Variants in CSGALNACT1 observed in about 807,000 individuals in gnomAD.
The protein encoded by CSGALNACT1 is chondroitin sulfate N-acetylgalactosaminyltransferase 1.
CSGALNACT1 carries 52 observed loss-of-function variants against 51.0 expected under a neutral mutation model. The observed-to-expected ratio is 1.02, with a 90% CI of 0.82 to 1.29. The LOEUF (loss-of-function observed/expected upper bound fraction) is 1.29, where lower values mean the gene tolerates loss of function less well. CSGALNACT1 is among the 50% of genes most tolerant of loss of function. CSGALNACT1 has a pLI of 0.00. For synonymous variants in CSGALNACT1, 341 were observed against 254.4 expected (o/e 1.34, Z -3.24); for missense variants, 935 against 679.2 (o/e 1.38, Z -4.19).
chr8:19,621,543 G>C (rs1472692748), intron 1 of CSGALNACT1, among the ~76,000 whole-genome samples: 1 of 152,104 alleles, frequency 6.6e-6, no homozygotes, highest in Non-Finnish European at 1.5e-5. Flanking sequence ...CACTTTGGGA[G>C]GCCAAGGCAG....
In CSGALNACT1 at chr8:19,418,688, G is replaced by T. The variant is rs1462946421; in HGVS notation, c.1195C>A (p.His399Asn). The T allele has an allele frequency of 1.5e-5, 24 of 1,613,268 alleles. No individual in the cohort carries two copies. Among genetic ancestry groups the T allele is most frequent in the Admixed American group, 3.3e-5 (2 of 59,998 alleles). ...TGTTCCAAGGGAGGGACTGCATCAT[G>T]GTGGCCGTATATTATGCCAGGATTG... Residue 399 changes from histidine (H) to asparagine (N), a missense_variant, in exon 8 of 10, where the codon CAT becomes AAT. Transcript: ENST00000454498.
At chr8:19,467,046 A>T (rs2066858667) in intron 4 of CSGALNACT1, among the ~76,000 whole-genome samples, 1 of 150,990 alleles carries the variant, frequency 6.6e-6, no homozygotes, top group South Asian at 2.1e-4. Context: ...TTCCTAATCC[A>T]TCAGAAATGT....
intron 4 of CSGALNACT1, among the ~76,000 whole-genome samples, chr8:19,500,384 A>G (rs2076213377): frequency 6.6e-6 from 1 of 152,170 alleles, no homozygotes; most frequent in Non-Finnish European, 1.5e-5. Flanking sequence ...TTCTGCACCA[A>G]GATGTCCACA....
chr8:19,604,924 A>G (rs2051148141), upstream of CSGALNACT1, among the ~76,000 whole-genome samples: 1 of 148,636 alleles, frequency 6.7e-6, no homozygotes, highest in Non-Finnish European at 1.5e-5. Flanking sequence ...CAAAAAAAAA[A>G]AAAAAAAAAA....
At position 19,518,433 on chromosome 8, in the gene CSGALNACT1, G is replaced by T. The variant is rs562834325; in HGVS notation, c.-296-12303C>A. Among the ~76,000 whole-genome samples the T allele has an allele frequency of 2.1e-3, 317 of 151,936 alleles. 2 individuals carry two copies. The highest frequency in any genetic ancestry group is 7.4e-3 in the African/African-American group (307 of 41,250). ...GCACCAATCAACTGGAAAGCTATTT[G>T]CATAATAATATTAGGGTGGGGTGAC... On this transcript the variant is annotated intron_variant, in intron 3 of 9. Coordinates refer to ENST00000454498, the Ensembl canonical transcript of CSGALNACT1.
chr8:19,658,144 T>C (rs560759582), intron 1 of CSGALNACT1, among the ~76,000 whole-genome samples: 6 of 145,384 alleles, frequency 4.1e-5, no homozygotes, highest in African/African-American at 1.3e-4. Flanking sequence ...CTTTGGAAAG[T>C]GATTAGGGCT....
At chr8:19,658,108 C>T (rs991761419) in intron 1 of CSGALNACT1, among the ~76,000 whole-genome samples, 1 of 145,628 alleles carries the variant, frequency 6.9e-6, no homozygotes, top group African/African-American at 2.5e-5. Context: ...CCTAACCCCC[C>T]AATGTGATAG....
chr8:19,484,510 G>C (rs865786255), intron 4 of CSGALNACT1, among the ~76,000 whole-genome samples: 2 of 152,156 alleles, frequency 1.3e-5, no homozygotes, highest in African/African-American at 4.8e-5. Context: ...ACGGCAGAAG[G>C]CAAAGGAGAA....
chr8:19,424,610 G>A (rs946423297), intron 6 of CSGALNACT1, among the ~76,000 whole-genome samples: 19 of 152,208 alleles, frequency 1.2e-4, no homozygotes, highest in Non-Finnish European at 2.6e-4. Flanking sequence ...TCTAGAACAG[G>A]ATATGACAAG....
chr8:19,414,355 A>G (rs2056463148), intron 8 of CSGALNACT1, among the ~76,000 whole-genome samples: 1 of 152,202 alleles, frequency 6.6e-6, no homozygotes, highest in East Asian at 1.9e-4. Context: ...GCAGTGACCT[A>G]AACAGGAACT....
intron 5 of CSGALNACT1, among the ~76,000 whole-genome samples, chr8:19,453,953 T>C (rs1000973024): frequency 2.0e-5 from 3 of 151,894 alleles, no homozygotes; most frequent in African/African-American, 7.3e-5. Flanking sequence ...GAGGAAACAA[T>C]AGAAGCTGAG....
At chr8:19,567,506 C>A (rs960595622) in intron 3 of CSGALNACT1, among the ~76,000 whole-genome samples, 1 of 152,196 alleles carries the variant, frequency 6.6e-6, no homozygotes, top group Non-Finnish European at 1.5e-5. Context: ...GTATTTACAA[C>A]AACTCTACCA....
At chr8:19,713,554 C>T (rs1483476255) in intron 1 of CSGALNACT1, among the ~76,000 whole-genome samples, 1 of 152,134 alleles carries the variant, frequency 6.6e-6, no homozygotes, top group Non-Finnish European at 1.5e-5. Context: ...CAAGTGGGCC[C>T]CTGGATCCCA....
chr8:19,437,530 G>C (rs1384762073), intron 6 of CSGALNACT1, among the ~76,000 whole-genome samples: 1 of 152,076 alleles, frequency 6.6e-6, no homozygotes, highest in Non-Finnish European at 1.5e-5. Flanking sequence ...CCATAAGAGA[G>C]GGCAGGACAT....
intron 1 of CSGALNACT1, among the ~76,000 whole-genome samples, chr8:19,725,486 G>A (rs556300274): frequency 3.4e-5 from 5 of 148,182 alleles, no homozygotes; most frequent in East Asian, 2.0e-4. Flanking sequence ...GTGCAGTGGC[G>A]TGATCTCGGC....
At chr8:19,509,880 T>C (rs2078126472) in intron 3 of CSGALNACT1, among the ~76,000 whole-genome samples, 1 of 152,186 alleles carries the variant, frequency 6.6e-6, no homozygotes, top group African/African-American at 2.4e-5. Context: ...CTTTATGTGA[T>C]CACAGCAGCA....
At chr8:19,579,876 T>C (rs1232119842) in intron 3 of CSGALNACT1, among the ~76,000 whole-genome samples, 1 of 151,766 alleles carries the variant, frequency 6.6e-6, no homozygotes, top group Admixed American at 6.6e-5. Flanking sequence ...TCACACTAAG[T>C]CTCCCGCTGA....
chr8:19,676,100 A>AG (rs2060168736), intron 1 of CSGALNACT1, among the ~76,000 whole-genome samples: 1 of 126,412 alleles, frequency 7.9e-6, no homozygotes, highest in African/African-American at 3.1e-5. Context: ...ACAAAACAAA[A>AG]CAAAAAAAAC....
chr8:19,466,339 C>T (rs942433762), intron 4 of CSGALNACT1, among the ~76,000 whole-genome samples: 9 of 152,112 alleles, frequency 5.9e-5, no homozygotes, highest in Admixed American at 5.2e-4. Context: ...GGCTGAGAAG[C>T]GATGATCATT....
Sources: gnomAD v4.1 joint callset for allele counts (sites outside exome capture counted in the v4.1 genomes callset) on GRCh38, gnomAD v4.1.1 for gene constraint, MANE v1.5 for transcripts, NCBI Gene and HGNC (gene_info 2026-07-23, HGNC 2026-07-21) for gene names.